CCDC39: variants seen among roughly 807,000 people sequenced by gnomAD.
CCDC39 encodes coiled-coil domain 39 molecular ruler complex subunit.
CCDC39 carries 113 observed loss-of-function variants against 121.0 expected under a neutral mutation model. That is an observed-to-expected ratio of 0.93 (90% CI 0.80 to 1.09). The LOEUF is 1.09. Ranked by LOEUF, CCDC39 falls within the 50% of genes least tolerant of loss-of-function variation. The probability of loss-of-function intolerance (pLI) is 0.00; values close to 1 mark genes in which losing one functional copy is unlikely to be tolerated. For synonymous variants in CCDC39, 349 were observed against 352.2 expected (o/e 0.99, Z 0.10); for missense variants, 1,063 against 1,074.7 (o/e 0.99, Z 0.15).
intron 1 of CCDC39, among the ~76,000 whole-genome samples, chr3:180,664,660 A>G (rs1461701635): frequency 2.0e-5 from 3 of 152,134 alleles, no homozygotes; most frequent in Non-Finnish European, 4.4e-5. Context: ...TTATAGGGCA[A>G]AAATGAGATT....
intron 9 of CCDC39, among the ~76,000 whole-genome samples, chr3:180,649,916 A>T (rs894016217): frequency 6.6e-6 from 1 of 152,228 alleles, no homozygotes; most frequent in Admixed American, 6.5e-5. Context: ...CAAAACTTTT[A>T]AAACATAATG....
rs1165398613 is a variant in CCDC39 at position 180,651,437 on chromosome 3, C to A, written c.1131G>T (p.Leu377Phe). The change falls in exon 9 of 20, where the codon TTG becomes TTT. Residue 377 changes from leucine (L) to phenylalanine (F), a missense_variant. Physicochemically the swap from Leu to Phe is conservative, Grantham distance 22. Transcript: ENST00000476379. ...TMSVEEKATN[L>F]EDMLKEEEKD... ...TTTCCTCCTCCTTTAGCATATCTTC[C>A]AAATTAGTAGCTTTCTCTTCTACAG... The A allele has an allele frequency of 8.3e-6, 13 of 1,559,422 alleles. No individual in the cohort carries two copies. Among genetic ancestry groups the A allele is most frequent in the Non-Finnish European group, 1.1e-5 (13 of 1,150,080 alleles).
chr3:180,655,433 T>C (rs1049536092), intron 6 of CCDC39, among the ~76,000 whole-genome samples: 4 of 151,768 alleles, frequency 2.6e-5, no homozygotes, highest in Admixed American at 6.6e-5. Flanking sequence ...CACAAAACAC[T>C]GTAACTGAAA....
At chr3:180,658,434 A>G (rs1711642769) in intron 6 of CCDC39, among the ~76,000 whole-genome samples, 1 of 151,820 alleles carries the variant, frequency 6.6e-6, no homozygotes, top group African/African-American at 2.4e-5. Context: ...CGTCTCTACT[A>G]AAAATCCAAA....
chr3:180,670,142 A>T (rs73885318), intron 1 of CCDC39, among the ~76,000 whole-genome samples: 3,337 of 152,230 alleles, frequency 0.022, 125 homozygotes, highest in African/African-American at 0.076. Flanking sequence ...GACCTCTCTA[A>T]TTACAGACTT....
chr3:180,628,463 T>G (rs527925193), intron 14 of CCDC39, among the ~76,000 whole-genome samples: 1 of 152,282 alleles, frequency 6.6e-6, no homozygotes, highest in South Asian at 2.1e-4. Context: ...CACCTCGGCC[T>G]CCCAAAATTC....
Position 180,657,741 on chromosome 3 carries a change from T to C in CCDC39, c.738+1711A>G, listed in dbSNP as rs189176289. Reference sequence around the variant, plus strand: ...AATTCTTGATAAACAACTCAGGAACTCGCTCTTTTTTCCCTCTTTAAAAAT... The same window carrying C: ...AATTCTTGATAAACAACTCAGGAACCCGCTCTTTTTTCCCTCTTTAAAAAT... On this transcript the variant is annotated intron_variant, in intron 6 of 19. Coordinates refer to ENST00000476379, the MANE Select transcript of CCDC39 (RefSeq NM_181426.2). 1.0e-3 allele frequency among the ~76,000 whole-genome samples: 153 copies of C among 152,288 alleles called. 2 individuals are homozygous for C. The highest frequency in any genetic ancestry group is 5.3e-3 in the Admixed American group (81 of 15,292).
intron 13 of CCDC39, among the ~76,000 whole-genome samples, chr3:180,635,661 C>T (rs961219303): frequency 7.9e-5 from 12 of 152,148 alleles, no homozygotes; most frequent in African/African-American, 1.4e-4. Context: ...CACACTGATA[C>T]ATGGGGTGGG....
At chr3:180,628,590 C>A (rs535441187) in intron 14 of CCDC39, among the ~76,000 whole-genome samples, 11 of 152,300 alleles carry the variant, frequency 7.2e-5, no homozygotes, top group African/African-American at 2.4e-4. Context: ...AAAGGGTCAA[C>A]AAGCTTTGTC....
chr3:180,650,109 A>G lies in CCDC39; in HGVS notation c.1167+1292T>C, dbSNP rs139461501. Among the ~76,000 whole-genome samples, 9 of 152,274 alleles carry G rather than the reference A, an allele frequency of 5.9e-5. No individual in the cohort carries two copies. In the East Asian group the frequency reaches 1.7e-3, roughly 29 times the overall value. ...CCTTTTTCAACCCCCCCAAACGAGT[A>G]AAAGCAAGAAGTAGAGTCAGGTCAC... is the stretch of plus-strand genomic sequence containing the variant. On this transcript the variant is annotated intron_variant, in intron 9 of 19. Coordinates refer to ENST00000476379, the MANE Select transcript of CCDC39 (RefSeq NM_181426.2).
intron 11 of CCDC39, 112 bp downstream of exon 11, chr3:180,646,966 AT>A: frequency 4.7e-6 from 4 of 848,300 alleles, no homozygotes; most frequent in Non-Finnish European, 7.4e-6. Flanking sequence ...TACATTTGTT[AT>A]ATATGTGTGT....
At chr3:180,628,237 G>C (rs1241484403) in intron 14 of CCDC39, among the ~76,000 whole-genome samples, 1 of 152,044 alleles carries the variant, frequency 6.6e-6, no homozygotes, top group Non-Finnish European at 1.5e-5. Context: ...TTGAGACGGA[G>C]TCTCACTCTG....
At chr3:180,654,139 T>C (rs993298882) in intron 7 of CCDC39, among the ~76,000 whole-genome samples, 1 of 145,678 alleles carries the variant, frequency 6.9e-6, no homozygotes, top group African/African-American at 2.6e-5. Context: ...CAACTAATTT[T>C]CAGTAAATGT....
At chr3:180,627,080 A>G (rs974800396) in intron 14 of CCDC39, among the ~76,000 whole-genome samples, 2 of 152,230 alleles carry the variant, frequency 1.3e-5, no homozygotes, top group African/African-American at 4.8e-5. Context: ...TTACATGGGT[A>G]GGAAGCTGTG....
rs775142858 is a variant in CCDC39, at chr3:180,659,529, G to C, written c.661C>G (p.Gln221Glu). ...QDFRKIHNER[Q>E]ELIKQWENTI... is the part of the protein sequence containing the mutation. Reference sequence around the variant, plus strand: ...TTCTCCCATTGTTTAATGAGTTCTTGTCTTTCATTATGAATCTTACGAAAA... The same window carrying C: ...TTCTCCCATTGTTTAATGAGTTCTTCTCTTTCATTATGAATCTTACGAAAA... Residue 221 changes from glutamine to glutamate, a missense_variant, in exon 6 of 20, where the codon CAA becomes GAA. Transcript: ENST00000476379. 2.2e-5 allele frequency: 35 copies of C among 1,613,100 alleles called. No homozygotes were observed. Among genetic ancestry groups the C allele is most frequent in the Non-Finnish European group, 2.8e-5 (33 of 1,179,548 alleles).
chr3:180,632,506 T>C (rs988402804), intron 13 of CCDC39, among the ~76,000 whole-genome samples: 1 of 152,224 alleles, frequency 6.6e-6, no homozygotes, highest in African/African-American at 2.4e-5. Context: ...GTTTTTCTTA[T>C]TTTTAATTAT....
At chr3:180,654,725 G>A (rs375886942) in intron 7 of CCDC39, 37 bp downstream of exon 7, 131 of 1,419,228 alleles carry the variant, frequency 9.2e-5, no homozygotes, top group Admixed American at 2.6e-4. Context: ...GTGATTTGTC[G>A]TGAACATACA....
At chr3:180,652,963 C>A (rs1055019986) in intron 7 of CCDC39, among the ~76,000 whole-genome samples, 2 of 152,094 alleles carry the variant, frequency 1.3e-5, no homozygotes, top group African/African-American at 4.8e-5. Flanking sequence ...AGAAAAAGAT[C>A]TGTACACTAA....
chr3:180,647,040 A>C (rs1195693315), intron 11 of CCDC39, 39 bp downstream of exon 11: 1 of 1,579,502 alleles, frequency 6.3e-7, no homozygotes. Flanking sequence ...CAGAATGACT[A>C]GGATATTTGA....
Sources: gnomAD v4.1 joint callset for allele counts (sites outside exome capture counted in the v4.1 genomes callset) on GRCh38, gnomAD v4.1.1 for gene constraint, MANE v1.5 for transcripts, NCBI Gene and HGNC (gene_info 2026-07-23, HGNC 2026-07-21) for gene names.